DGLUCY: variants seen among roughly 807,000 people sequenced by gnomAD.
DGLUCY encodes D-glutamate cyclase.
Under a neutral mutation model 58.5 loss-of-function variants are expected in DGLUCY, and 58 were observed. That is an observed-to-expected ratio of 0.99 (90% CI 0.80 to 1.23). The LOEUF (loss-of-function observed/expected upper bound fraction) is 1.23. Ranked by LOEUF, DGLUCY falls within the 50% of genes most tolerant of loss-of-function variation. The pLI is 0.00. For missense variants in DGLUCY, 779 were observed against 784.7 expected, an observed-to-expected ratio of 0.99 and a Z score of 0.09; for synonymous variants, 325 against 314.1, an observed-to-expected ratio of 1.03 and a Z score of -0.37.
At chr14:91,126,928 A>G (rs1267601016) in intron 1 of DGLUCY, among the ~76,000 whole-genome samples, 1 of 152,088 alleles carries the variant, frequency 6.6e-6, no homozygotes, top group East Asian at 1.9e-4. Context: ...ACTGCCTGGC[A>G]TCCATCCATG....
intron 13 of DGLUCY, among the ~76,000 whole-genome samples, chr14:91,222,675 T>A (rs1234248605): frequency 6.6e-6 from 1 of 152,220 alleles, no homozygotes; most frequent in East Asian, 1.9e-4. Flanking sequence ...TCTCTATTAC[T>A]TAGAAAAAGT....
intron 2 of DGLUCY, among the ~76,000 whole-genome samples, chr14:91,159,874 A>C (rs981253270): frequency 6.6e-6 from 1 of 152,182 alleles, no homozygotes; most frequent in African/African-American, 2.4e-5. Flanking sequence ...GAAGTCTCAC[A>C]TGTGTCCCTG....
intron 2 of DGLUCY, among the ~76,000 whole-genome samples, chr14:91,159,824 A>G (rs564044259): frequency 1.3e-5 from 2 of 152,284 alleles, no homozygotes; most frequent in African/African-American, 4.8e-5. Context: ...GGCACGTGCT[A>G]TGTGCATAGG....
intron 8 of DGLUCY, among the ~76,000 whole-genome samples, chr14:91,187,263 G>A (rs2049580541): frequency 6.6e-6 from 1 of 152,184 alleles, no homozygotes; most frequent in South Asian, 2.1e-4. Context: ...CTCCCAAAGT[G>A]CTGGGATTAC....
At chr14:91,128,474 A>T (rs1028398415) in intron 1 of DGLUCY, among the ~76,000 whole-genome samples, 5 of 152,108 alleles carry the variant, frequency 3.3e-5, no homozygotes, top group Non-Finnish European at 5.9e-5. Context: ...CACCTGTGTG[A>T]CAGAGCGAGA....
At chr14:91,087,381 A>C (rs2044239897) in intron 1 of DGLUCY, among the ~76,000 whole-genome samples, 1 of 152,260 alleles carries the variant, frequency 6.6e-6, no homozygotes, top group Admixed American at 6.5e-5. Flanking sequence ...TCCCCATCTA[A>C]TTAGAAATAA....
chr14:91,097,139 G>A (rs1018967526), intron 1 of DGLUCY, among the ~76,000 whole-genome samples: 2 of 152,242 alleles, frequency 1.3e-5, no homozygotes, highest in African/African-American at 2.4e-5. Flanking sequence ...GCTCACGCCT[G>A]TAATCCCAGC....
At chr14:91,122,392 A>G (rs576762119) in intron 1 of DGLUCY, among the ~76,000 whole-genome samples, 93 of 152,010 alleles carry the variant, frequency 6.1e-4, no homozygotes, top group Non-Finnish European at 9.4e-4. Flanking sequence ...GGCTCAGTCA[A>G]TCCTCCCGCC....
At chr14:91,217,376 G>A (rs1472514196) in intron 13 of DGLUCY, among the ~76,000 whole-genome samples, 2 of 152,110 alleles carry the variant, frequency 1.3e-5, no homozygotes, top group African/African-American at 2.4e-5. Flanking sequence ...GCCTGCAGAA[G>A]AGCCCGAGAT....
chr14:91,223,429 C>G (rs1020590705), intron 13 of DGLUCY, among the ~76,000 whole-genome samples: 5 of 152,294 alleles, frequency 3.3e-5, no homozygotes, highest in Admixed American at 2.0e-4. Flanking sequence ...CTCTCACCTC[C>G]TGCCTTTGTT....
At chr14:91,171,274 CA>C (rs1198947675) in intron 5 of DGLUCY, among the ~76,000 whole-genome samples, 1 of 152,240 alleles carries the variant, frequency 6.6e-6, no homozygotes, top group Non-Finnish European at 1.5e-5. Flanking sequence ...ATGTCAATAA[CA>C]GAGATGTGAC....
intron 9 of DGLUCY, among the ~76,000 whole-genome samples, chr14:91,189,515 T>G: frequency 6.6e-6 from 1 of 151,494 alleles, no homozygotes. Context: ...CTGGGGAGAG[T>G]AGTGGAGTAT....
At chr14:91,152,760 A>T (rs2047397931) in intron 1 of DGLUCY, among the ~76,000 whole-genome samples, 1 of 152,218 alleles carries the variant, frequency 6.6e-6, no homozygotes, top group Non-Finnish European at 1.5e-5. Context: ...GAAGTGATCC[A>T]GGGGACATCT....
At chr14:91,081,344 G>A (rs1161307933) in intron 1 of DGLUCY, among the ~76,000 whole-genome samples, 2 of 152,220 alleles carry the variant, frequency 1.3e-5, no homozygotes, top group African/African-American at 4.8e-5. Flanking sequence ...ACATCCCACA[G>A]CAATACGGTA....
chr14:91,176,660 C>T (rs2048872272), intron 7 of DGLUCY, among the ~76,000 whole-genome samples: 1 of 152,180 alleles, frequency 6.6e-6, no homozygotes, highest in Non-Finnish European at 1.5e-5. Context: ...AGTGCAGTGG[C>T]ACGATCTCGG....
upstream of DGLUCY, among the ~76,000 whole-genome samples, chr14:91,110,968 G>A (rs1191570479): frequency 6.6e-6 from 1 of 152,002 alleles, no homozygotes; most frequent in African/African-American, 2.4e-5. Context: ...CCTAACTCCA[G>A]GTACTTCATA....
intron 1 of DGLUCY, among the ~76,000 whole-genome samples, chr14:91,153,236 G>A (rs1301293873): frequency 6.6e-6 from 1 of 152,146 alleles, no homozygotes; most frequent in Non-Finnish European, 1.5e-5. Flanking sequence ...AGGCTGGAGT[G>A]CAGTGGCGAA....
intron 1 of DGLUCY, among the ~76,000 whole-genome samples, chr14:91,096,322 G>C (rs1439338043): frequency 3.3e-5 from 5 of 152,026 alleles, no homozygotes; most frequent in African/African-American, 1.2e-4. Flanking sequence ...GCTGAGGCAG[G>C]AGAATCGCTT....
intron 12 of DGLUCY, among the ~76,000 whole-genome samples, chr14:91,207,111 A>G (rs1190005562): frequency 7.2e-6 from 1 of 138,284 alleles, no homozygotes; most frequent in South Asian, 2.5e-4. Flanking sequence ...GTGAGCTGTG[A>G]TTGAGCCATT....
Sources: gnomAD v4.1 joint callset for allele counts (sites outside exome capture counted in the v4.1 genomes callset) on GRCh38, gnomAD v4.1.1 for gene constraint, MANE v1.5 for transcripts, NCBI Gene and HGNC (gene_info 2026-07-23, HGNC 2026-07-21) for gene names.